The following SMARCB1 variants were observed in gnomAD, a reference collection of about 807,000 sequenced individuals.
The protein encoded by SMARCB1 is SWI/SNF-related matrix-associated actin-dependent regulator of chromatin subfamily B member 1.
A neutral mutation model predicts 49.0 loss-of-function variants in SMARCB1; 5 were observed. The ratio of observed to expected loss-of-function variants is 0.10; its 90% CI spans 0.05 to 0.21. The LOEUF (loss-of-function observed/expected upper bound fraction) is 0.21. SMARCB1 is among the 10% of genes least tolerant of loss of function. The pLI is 1.00. For synonymous variants in SMARCB1, 201 were observed against 200.1 expected (o/e 1.00, Z -0.04); for missense variants, 226 against 509.2 (o/e 0.44, Z 5.35).
At chr22:23,806,534 A>G (rs1929508060) in intron 5 of SMARCB1, among the ~76,000 whole-genome samples, 1 of 152,238 alleles carries the variant, frequency 6.6e-6, no homozygotes, top group Non-Finnish European at 1.5e-5. Context: ...ATCATCTTAA[A>G]GGTGGGCATG....
chr22:23,791,992 T>C (rs1928410706), intron 2 of SMARCB1, 98 bp downstream of exon 2: 1 of 1,376,176 alleles, frequency 7.3e-7, no homozygotes, highest in South Asian at 1.2e-5. Flanking sequence ...ACTGCAGCCT[T>C]GGCCTTAGTC....
intron 7 of SMARCB1, among the ~76,000 whole-genome samples, chr22:23,826,699 G>C (rs1055668804): frequency 1.3e-5 from 2 of 152,244 alleles, no homozygotes; most frequent in Non-Finnish European, 2.9e-5. Flanking sequence ...AATTAATGGA[G>C]CTCGTTAGGT....
At chr22:23,797,374 T>G (rs1424541746) in intron 3 of SMARCB1, among the ~76,000 whole-genome samples, 3 of 149,598 alleles carry the variant, frequency 2.0e-5, no homozygotes, top group Non-Finnish European at 4.4e-5. Flanking sequence ...AGTGGCGCCA[T>G]CTTGGCTCAC....
rs145101875 is a variant in SMARCB1 at position 23,797,687 on chromosome 22, A to G, written c.363-3257A>G. On this transcript the variant is annotated intron_variant, in intron 3 of 8. Coordinates refer to ENST00000644036, the MANE Select transcript of SMARCB1 (RefSeq NM_003073.5). ...GGCTGGAGTGAAGTGGCGGGATCTCAGCTCACTGCAACCTCCCCTTCCCGG... is the reference window on the plus strand; with the variant it reads ...GGCTGGAGTGAAGTGGCGGGATCTCGGCTCACTGCAACCTCCCCTTCCCGG... Among the ~76,000 whole-genome samples, 6 of 128,458 alleles carry G rather than the reference A, an allele frequency of 4.7e-5. No individual in the cohort carries two copies. In the East Asian group the frequency reaches 1.4e-3, roughly 30 times the overall value. The allele number at this position is 128,458 out of a possible 152,430, so 84.3% of individuals were successfully genotyped here. A position where few individuals can be genotyped will look rare whatever the true frequency, so the allele number is the denominator to read the frequency against.
intron 5 of SMARCB1, among the ~76,000 whole-genome samples, chr22:23,806,191 G>A (rs1929483073): frequency 6.6e-6 from 1 of 152,156 alleles, no homozygotes; most frequent in African/African-American, 2.4e-5. Flanking sequence ...GCAGCCTGTG[G>A]CTCTGAAGAA....
intron 5 of SMARCB1, among the ~76,000 whole-genome samples, chr22:23,814,066 G>C (rs1930035684): frequency 6.6e-6 from 1 of 152,098 alleles, no homozygotes; most frequent in African/African-American, 2.4e-5. Flanking sequence ...CTGAGCTCAG[G>C]CAGTCCGCCT....
chr22:23,795,955 T>A (rs1467285620), intron 3 of SMARCB1, among the ~76,000 whole-genome samples: 1 of 151,924 alleles, frequency 6.6e-6, no homozygotes. Context: ...TATGCCTGGC[T>A]AATTTTTTTG....
chr22:23,811,030 G>A (rs1295335081), intron 5 of SMARCB1, among the ~76,000 whole-genome samples: 5 of 73,588 alleles, frequency 6.8e-5, no homozygotes, highest in East Asian at 6.2e-4. Context: ...GAGCAAGACT[G>A]TGTCTCAAAA....
chr22:23,828,648 T>G (rs914013823), intron 7 of SMARCB1, among the ~76,000 whole-genome samples: 1 of 151,808 alleles, frequency 6.6e-6, no homozygotes, highest in Non-Finnish European at 1.5e-5. Context: ...AGACTCCATC[T>G]CAAAAAAAAG....
At chr22:23,792,910 C>T (rs1169704040) in intron 2 of SMARCB1, 1 of 168,084 alleles carries the variant, frequency 5.9e-6, no homozygotes, top group African/African-American at 2.4e-5. Context: ...CGATTGATTT[C>T]TCCAGGAGAA....
At chr22:23,788,269 A>T (rs1488006668) in intron 1 of SMARCB1, among the ~76,000 whole-genome samples, 3 of 152,326 alleles carry the variant, frequency 2.0e-5, no homozygotes, top group Admixed American at 1.3e-4. Context: ...AAAATTATGG[A>T]TATACAGTTC....
intron 3 of SMARCB1, among the ~76,000 whole-genome samples, chr22:23,800,577 G>T (rs745413988): frequency 6.6e-6 from 1 of 152,058 alleles, no homozygotes; most frequent in Non-Finnish European, 1.5e-5. Context: ...GCCCCTCCCC[G>T]CAGTGAACCC....
chr22:23,821,862 C>CAA lies in SMARCB1; in HGVS notation c.796-3350_796-3349dup, dbSNP rs35051501. 3.7e-3 allele frequency among the ~76,000 whole-genome samples: 438 copies of CAA among 117,420 alleles called. 2 individuals are homozygous for CAA. The highest frequency in any genetic ancestry group is 0.025 in the South Asian group (92 of 3,610). The allele number at this position is 117,420 out of a possible 152,430, so 77.0% of individuals were successfully genotyped here. On this transcript the variant is annotated intron_variant, in intron 6 of 8. Transcript: ENST00000644036. ...TCTTCCCATCTCACTGACTCTGTCT[C>CAA]AAAAAAAAAAAAAAGAAAAAAGAGA...
chr22:23,801,054 G>A lies in SMARCB1; in HGVS notation c.473G>A (p.Arg158Gln), dbSNP rs1232172026. The change falls in exon 4 of 9, where the codon CGA (arginine) becomes CAA (glutamine). Residue 158 changes from arginine (R) to glutamine (Q), a missense_variant. Around this residue, in one of 6 missense-constraint regions of SMARCB1, gnomAD observed 128 missense variants for 263.9 expected, o/e 0.49. Transcript: ENST00000644036. ...ACCATCAACAGGAACCGCATGGGCC[G>A]AGACAAGAAGAGAACCTTCCCCCTT... ...STTINRNRMG[R>Q]DKKRTFPLCF... 6.2e-7 allele frequency: 1 copy of A among 1,614,192 alleles called. No homozygotes were observed. The highest frequency in any genetic ancestry group is 8.5e-7 in the Non-Finnish European group (1 of 1,180,024).
chr22:23,805,243 A>C (rs1027956510), intron 5 of SMARCB1, among the ~76,000 whole-genome samples: 4 of 152,040 alleles, frequency 2.6e-5, no homozygotes, highest in Non-Finnish European at 5.9e-5. Context: ...GTGGGAGGAG[A>C]CATGGGTGAG....
intron 1 of SMARCB1, among the ~76,000 whole-genome samples, chr22:23,789,076 G>C (rs1179541912): frequency 1.3e-5 from 2 of 152,104 alleles, no homozygotes; most frequent in African/African-American, 4.8e-5. Context: ...TCTTAAACTT[G>C]TGAGCTCAAG....
At chr22:23,814,816 C>A (rs1353364399) in intron 5 of SMARCB1, among the ~76,000 whole-genome samples, 1 of 151,832 alleles carries the variant, frequency 6.6e-6, no homozygotes, top group Non-Finnish European at 1.5e-5. Flanking sequence ...ACTAAAAATA[C>A]AAAATTAGCC....
intron 7 of SMARCB1, among the ~76,000 whole-genome samples, chr22:23,830,133 T>G (rs931663693): frequency 6.6e-6 from 1 of 152,246 alleles, no homozygotes; most frequent in African/African-American, 2.4e-5. Context: ...TATGAGTTTT[T>G]GTGTGAACAT....
intron 4 of SMARCB1, chr22:23,801,363 C>T (rs780411423): frequency 8.8e-6 from 6 of 684,064 alleles, no homozygotes; most frequent in Non-Finnish European, 1.1e-5. Context: ...TTTCTCTGCC[C>T]TCAGTTTCAC....
Sources: allele counts gnomAD v4.1 joint callset (sites outside exome capture counted in the v4.1 genomes callset), GRCh38; gene constraint gnomAD v4.1.1; regional missense constraint gnomAD v4.1.1; transcripts MANE v1.5; gene names NCBI Gene and HGNC (gene_info 2026-07-23, HGNC 2026-07-21).